The following SFXN5 variants were observed in gnomAD, a reference collection of about 807,000 sequenced individuals.
SFXN5 encodes sideroflexin 5.
In SFXN5, 43 loss-of-function variants were observed where a neutral mutation model predicts 50.2. The ratio of observed to expected loss-of-function variants is 0.86; its 90% confidence interval spans 0.67 to 1.11. SFXN5 has a LOEUF of 1.11. Among genes scored for constraint, SFXN5 ranks in the 50% least tolerant of loss-of-function variants. The pLI, the probability that SFXN5 is intolerant of heterozygous loss-of-function variation, is 0.00. For missense variants in SFXN5, 463 were observed against 454.1 expected (o/e 1.02, Z -0.18); for synonymous variants, 203 against 185.8 (o/e 1.09, Z -0.75).
At chr2:73,003,860 A>G (rs1369407914) in intron 6 of SFXN5, among the ~76,000 whole-genome samples, 1 of 152,074 alleles carries the variant, frequency 6.6e-6, no homozygotes, top group Non-Finnish European at 1.5e-5. Flanking sequence ...TTGTTAGACA[A>G]TCCCCACTTT....
intron 11 of SFXN5, among the ~76,000 whole-genome samples, chr2:72,969,005 G>A (rs985907821): frequency 2.0e-5 from 3 of 151,934 alleles, no homozygotes; most frequent in Admixed American, 6.6e-5. Flanking sequence ...ATGGGGTTTC[G>A]CCATGTTGGC....
chr2:72,994,447 C>T (rs146917562), intron 9 of SFXN5, among the ~76,000 whole-genome samples: 139 of 152,266 alleles, frequency 9.1e-4, no homozygotes, highest in Non-Finnish European at 1.8e-3. Context: ...AAGGGACCCC[C>T]CAGGGCCCAG....
chr2:72,948,339 A>G (rs1459910265), intron 13 of SFXN5, among the ~76,000 whole-genome samples: 1 of 152,288 alleles, frequency 6.6e-6, no homozygotes, highest in East Asian at 1.9e-4. Context: ...ATCACGCTGG[A>G]AAGAACAGTA....
intron 1 of SFXN5, chr2:73,059,267 C>A (rs1682550532): frequency 1.0e-5 from 10 of 985,554 alleles, no homozygotes; most frequent in Non-Finnish European, 1.1e-5. Flanking sequence ...GGCTGCTGGG[C>A]CTTCTGCCCT....
chr2:72,959,040 A>G (rs771003711), intron 13 of SFXN5, among the ~76,000 whole-genome samples: 2 of 151,998 alleles, frequency 1.3e-5, no homozygotes, highest in Non-Finnish European at 2.9e-5. Flanking sequence ...CGCAGCCCCA[A>G]CAGCCCCGGC....
chr2:73,015,369 C>T (rs750535383), intron 6 of SFXN5, among the ~76,000 whole-genome samples: 1 of 152,144 alleles, frequency 6.6e-6, no homozygotes, highest in Non-Finnish European at 1.5e-5. Flanking sequence ...ATAATTTTTA[C>T]ATGTAATTTC....
chr2:72,955,422 C>T (rs1292226405), intron 13 of SFXN5, among the ~76,000 whole-genome samples: 4 of 152,178 alleles, frequency 2.6e-5, no homozygotes, highest in African/African-American at 9.7e-5. Context: ...CAGCCCCGTT[C>T]CCCAGCCCCC....
intron 3 of SFXN5, among the ~76,000 whole-genome samples, chr2:73,026,277 G>A (rs575701430): frequency 6.8e-4 from 103 of 151,444 alleles, no homozygotes; most frequent in Middle Eastern, 3.4e-3. Context: ...ACAGGCGTGC[G>A]CCACCATGCC....
At position 73,020,508 on chromosome 2, in the gene SFXN5, C is replaced by T. The variant is rs114282193; in HGVS notation, c.332-244G>A. 4.8e-3 allele frequency among the ~76,000 whole-genome samples: 736 copies of T among 152,296 alleles called. 3 individuals carry two copies. Among genetic ancestry groups the T allele is most frequent in the African/African-American group, 0.017 (695 of 41,544 alleles). ...GGCAGCTTTCACTCTCCCCTGGAAC[C>T]CAGAGGCCTGTTCCTGCAGGCAGGG... On this transcript the variant is annotated intron_variant, in intron 5 of 13. Transcript: ENST00000272433.
At chr2:72,991,303 G>A (rs931321658) in intron 9 of SFXN5, among the ~76,000 whole-genome samples, 2 of 152,270 alleles carry the variant, frequency 1.3e-5, no homozygotes, top group African/African-American at 4.8e-5. Context: ...CTCCTTCCCT[G>A]AAAGTCACCA....
chr2:73,020,359 G>A (rs773578952), intron 5 of SFXN5, 95 bp from the exon 6 acceptor site: 3 of 1,289,088 alleles, frequency 2.3e-6, no homozygotes, highest in African/African-American at 1.5e-5. Flanking sequence ...GGCTATCAGT[G>A]GCCCTGATGA....
At position 72,960,928 on chromosome 2, in the gene SFXN5, C is replaced by A. The variant is rs933855244; in HGVS notation, c.945+203G>T. ...TTCTCCCACCCTAACGCTCCTGGCTCCTCATCTGCTGGCCTCTGTTTAATC... is the reference window on the plus strand; with the variant it reads ...TTCTCCCACCCTAACGCTCCTGGCTACTCATCTGCTGGCCTCTGTTTAATC... On this transcript the variant is annotated intron_variant, in intron 13 of 13. Transcript: ENST00000272433. This position sits in a 1 kb window ranked among gnomAD's most constrained non-coding sequence, Gnocchi z 6.1. Among the ~76,000 whole-genome samples, 7 of 152,242 alleles carry A rather than the reference C, an allele frequency of 4.6e-5. No homozygotes were observed. Among genetic ancestry groups the A allele is most frequent in the Non-Finnish European group, 2.9e-5 (2 of 68,050 alleles).
At chr2:72,949,229 A>C (rs2105320715) in intron 13 of SFXN5, among the ~76,000 whole-genome samples, 1 of 152,322 alleles carries the variant, frequency 6.6e-6, no homozygotes, top group African/African-American at 2.4e-5. Context: ...GACAGGCAGA[A>C]TCTTGTAGGC....
At chr2:73,061,224 C>T (rs1682775767) in intron 1 of SFXN5, among the ~76,000 whole-genome samples, 1 of 150,838 alleles carries the variant, frequency 6.6e-6, no homozygotes, top group South Asian at 2.1e-4. Flanking sequence ...AGGAGAATCG[C>T]TTGAACCTAG....
At chr2:72,963,238 G>C (rs1427155400) in intron 12 of SFXN5, among the ~76,000 whole-genome samples, 1 of 152,206 alleles carries the variant, frequency 6.6e-6, no homozygotes, top group Non-Finnish European at 1.5e-5. Flanking sequence ...ACAGCCCTGA[G>C]AGCAGTGAAG....
intron 1 of SFXN5, among the ~76,000 whole-genome samples, chr2:73,068,571 C>T (rs1683339091): frequency 6.6e-6 from 1 of 152,082 alleles, no homozygotes; most frequent in Non-Finnish European, 1.5e-5. Flanking sequence ...CACAACCTTA[C>T]AAGTCAATTT....
chr2:73,027,576 CCACT>C (rs1042923157), intron 3 of SFXN5, among the ~76,000 whole-genome samples: 8 of 152,178 alleles, frequency 5.3e-5, no homozygotes, highest in Admixed American at 3.3e-4. Context: ...CATTCACTGA[CCACT>C]CACTCACTCA....
chr2:73,047,247 T>TATATATATATATATATATACACAC (rs1680515800), intron 2 of SFXN5, among the ~76,000 whole-genome samples: 1 of 19,462 alleles, frequency 5.1e-5, no homozygotes, highest in Admixed American at 1.2e-3. Flanking sequence ...AAAAAAAAAA[T>TATATATATATATATATATACACAC]ATATATATAT....
rs1212994093 is a variant in SFXN5 at position 72,945,040 on chromosome 2, C to T, written c.1005G>A (p.Val335=). The T allele has an allele frequency of 6.2e-7, 1 of 1,613,920 alleles. No individual in the cohort carries two copies. The highest frequency in any genetic ancestry group is 2.2e-5 in the East Asian group (1 of 44,878). Residue 335 remains valine, a synonymous_variant, in exon 14 of 14, where the codon GTG becomes GTA. Transcript: ENST00000272433. This position sits in a 1 kb window ranked among gnomAD's most constrained non-coding sequence, Gnocchi z 5.8. ...ACCACACTCACAACCCCTTGTTGTA[C>T]ACCACTGTCCGGCTGCTCGTGGCCT... ...IAQATSSRTV[V]YNKGL
Sources: gnomAD v4.1 joint callset for allele counts (sites outside exome capture counted in the v4.1 genomes callset) on GRCh38, gnomAD v4.1.1 for gene constraint, Gnocchi (gnomAD v3.1) non-coding constraint, MANE v1.5 for transcripts, NCBI Gene and HGNC (gene_info 2026-07-23, HGNC 2026-07-21) for gene names.